LYRM4: variants seen among roughly 807,000 people sequenced by gnomAD.
The protein encoded by LYRM4 is LYR motif-containing protein 4.
In LYRM4, 9 loss-of-function variants were observed where a neutral mutation model predicts 11.7. The observed-to-expected ratio is 0.77, with a 90% CI of 0.46 to 1.34. LYRM4 has a LOEUF of 1.34. LYRM4 is among the 40% of genes most tolerant of loss of function. The pLI is 0.00. For synonymous variants in LYRM4, 42 were observed against 40.4 expected, an observed-to-expected ratio of 1.04 and a Z score of -0.15; for missense variants, 133 against 112.5, an observed-to-expected ratio of 1.18 and a Z score of -0.82.
intron 2 of LYRM4, among the ~76,000 whole-genome samples, chr6:5,164,918 A>T (rs554089304): frequency 6.9e-6 from 1 of 145,726 alleles, no homozygotes; most frequent in Non-Finnish European, 1.5e-5. Flanking sequence ...CAGTGAGCCG[A>T]GATTGTGCCA....
At chr6:5,075,041 C>T in the LYRM4 span, among the ~76,000 whole-genome samples, 3 of 152,096 alleles carry the variant, frequency 2.0e-5, no homozygotes, top group African/African-American at 4.8e-5. Context: ...CACCTCCCCC[C>T]ACCCTTGCTC....
chr6:5,078,455 G>A, the LYRM4 span, among the ~76,000 whole-genome samples: 1 of 152,102 alleles, frequency 6.6e-6, no homozygotes, highest in Admixed American at 6.5e-5. Context: ...CCATAGGGCT[G>A]TATGAGGACG....
At chr6:5,083,026 C>T in the LYRM4 span, among the ~76,000 whole-genome samples, 2,257 of 152,300 alleles carry the variant, frequency 0.015, 13 homozygotes, top group Middle Eastern at 0.037. Context: ...CCCTCCCACG[C>T]ACTGAGAGCT....
chr6:5,178,394 A>G (rs933197513), intron 2 of LYRM4, among the ~76,000 whole-genome samples: 2 of 151,974 alleles, frequency 1.3e-5, no homozygotes, highest in African/African-American at 4.8e-5. Flanking sequence ...TAACACCTGG[A>G]TGTAGGAATT....
chr6:5,158,241 T>C (rs1489815553), intron 2 of LYRM4, among the ~76,000 whole-genome samples: 2 of 152,192 alleles, frequency 1.3e-5, no homozygotes, highest in African/African-American at 2.4e-5. Context: ...TCTATACCGA[T>C]ATAAGAGTAA....
intron 2 of LYRM4, among the ~76,000 whole-genome samples, chr6:5,210,285 C>A (rs1761925569): frequency 6.6e-6 from 1 of 152,000 alleles, no homozygotes; most frequent in Non-Finnish European, 1.5e-5. Flanking sequence ...AATGTTGAAC[C>A]ATGGGATTTT....
At chr6:5,136,544 A>C (rs1422053053) in intron 2 of LYRM4, 1 of 964,646 alleles carries the variant, frequency 1.0e-6, no homozygotes, top group East Asian at 1.1e-4. Context: ...TGTCAATTTT[A>C]CATAAGTTAG....
the LYRM4 span, among the ~76,000 whole-genome samples, chr6:5,064,944 C>T: frequency 2.3e-4 from 35 of 151,884 alleles, no homozygotes; most frequent in Admixed American, 7.2e-4. Context: ...GCACATCCTA[C>T]GGGTTTTAAT....
At chr6:5,121,541 C>A (rs1219182747) in intron 2 of LYRM4, among the ~76,000 whole-genome samples, 1 of 152,212 alleles carries the variant, frequency 6.6e-6, no homozygotes, top group Non-Finnish European at 1.5e-5. Context: ...CATTGCACAA[C>A]AGAGGATCCC....
At chr6:5,130,987 T>G (rs2127612830) in intron 2 of LYRM4, among the ~76,000 whole-genome samples, 1 of 152,036 alleles carries the variant, frequency 6.6e-6, no homozygotes, top group South Asian at 2.1e-4. Flanking sequence ...AGCCATAATA[T>G]GAAATGTGAA....
intron 2 of LYRM4, among the ~76,000 whole-genome samples, chr6:5,153,597 C>T (rs928598164): frequency 6.6e-6 from 1 of 152,172 alleles, no homozygotes; most frequent in Non-Finnish European, 1.5e-5. Flanking sequence ...TACCTCCTGA[C>T]GAGTAAAGCC....
chr6:5,066,589 G>A, the LYRM4 span: 13 of 1,072,020 alleles, frequency 1.2e-5, no homozygotes, highest in East Asian at 7.1e-5. Context: ...GACTCCAAAT[G>A]TGGAATAAAA....
At chr6:5,088,396 T>G in the LYRM4 span, 1 of 152,242 alleles carries the variant, frequency 6.6e-6, no homozygotes, top group African/African-American at 2.4e-5. Flanking sequence ...CACCTGGCCT[T>G]ACATTTTTAA....
chr6:5,120,685 C>G (rs552797485), intron 2 of LYRM4, among the ~76,000 whole-genome samples: 3 of 152,236 alleles, frequency 2.0e-5, no homozygotes, highest in Admixed American at 2.0e-4. Flanking sequence ...CTGATTGGTC[C>G]ATTTTACAGG....
chr6:5,250,913 T>C (rs991823364), intron 1 of LYRM4, among the ~76,000 whole-genome samples: 1 of 152,222 alleles, frequency 6.6e-6, no homozygotes, highest in Non-Finnish European at 1.5e-5. Context: ...TAAAATAGAA[T>C]ACAATGTTAT....
chr6:5,160,659 C>G (rs564500830), intron 2 of LYRM4, among the ~76,000 whole-genome samples: 5 of 152,054 alleles, frequency 3.3e-5, no homozygotes, highest in African/African-American at 1.2e-4. Context: ...GAGACCCCCC[C>G]CCCAGCAATG....
the LYRM4 span, chr6:5,085,977 C>T: frequency 1.3e-6 from 2 of 1,527,038 alleles, no homozygotes; most frequent in South Asian, 1.2e-5. Context: ...TCTCGCGCCT[C>T]CGAAGCTTCC....
intron 1 of LYRM4, among the ~76,000 whole-genome samples, chr6:5,238,820 C>T (rs1763698142): frequency 6.6e-6 from 1 of 152,136 alleles, no homozygotes; most frequent in African/African-American, 2.4e-5. Context: ...CAAATCCAAC[C>T]TATTTCATAT....
intron 2 of LYRM4, among the ~76,000 whole-genome samples, chr6:5,111,527 A>C (rs1437750353): frequency 6.6e-6 from 1 of 152,226 alleles, no homozygotes; most frequent in Non-Finnish European, 1.5e-5. Flanking sequence ...AGGAGCAGAA[A>C]GTGAGGATGG....
Sources: allele counts gnomAD v4.1 joint callset (sites outside exome capture counted in the v4.1 genomes callset), GRCh38; gene constraint gnomAD v4.1.1; transcripts MANE v1.5; gene names NCBI Gene and HGNC (gene_info 2026-07-23, HGNC 2026-07-21).